ATL3: variants seen among roughly 807,000 people sequenced by gnomAD.
ATL3 encodes the protein atlastin GTPase 3.
ATL3 carries 49 observed loss-of-function variants against 69.5 expected under a neutral mutation model. The observed-to-expected ratio is 0.71, with a 90% CI of 0.56 to 0.89. ATL3 has a LOEUF of 0.89. Among genes scored for constraint, ATL3 ranks in the 40% least tolerant of loss-of-function variants. The pLI is 0.00. For missense variants in ATL3, 606 were observed against 645.7 expected (o/e 0.94, Z 0.67); for synonymous variants, 214 against 224.1 (o/e 0.95, Z 0.40).
intron 5 of ATL3, among the ~76,000 whole-genome samples, chr11:63,647,667 T>C (rs996382138): frequency 3.3e-5 from 5 of 152,238 alleles, no homozygotes; most frequent in African/African-American, 1.2e-4. Context: ...ATAATATTTA[T>C]GTCATTCAAA....
chr11:63,631,518 A>G, intron 11 of ATL3, 47 bp from the exon 12 acceptor site: 1 of 1,465,926 alleles, frequency 6.8e-7, no homozygotes, highest in East Asian at 2.3e-5. Context: ...CTTCAAAAAC[A>G]AGTGCCAAAT....
intron 11 of ATL3, chr11:63,632,123 CTTTAA>C: frequency 5.5e-6 from 2 of 364,616 alleles, no homozygotes; most frequent in Non-Finnish European, 1.1e-5. Flanking sequence ...TTGAGACATG[CTTTAA>C]TTTTTTTTTT....
At chr11:63,665,780 C>T (rs1940556493) in intron 1 of ATL3, among the ~76,000 whole-genome samples, 2 of 151,648 alleles carry the variant, frequency 1.3e-5, no homozygotes, top group African/African-American at 4.8e-5. Context: ...ATCCCAGCTA[C>T]TTGGTATCAC....
At position 63,633,010 on chromosome 11, in the gene ATL3, CG is replaced by C. The variant is rs1357435434; in HGVS notation, c.1107+15del. 3 of 1,609,954 alleles carry C rather than the reference CG, an allele frequency of 1.9e-6. No homozygotes were observed. Among genetic ancestry groups the C allele is most frequent in the African/African-American group, 2.7e-5 (2 of 74,810 alleles). On this transcript the variant is annotated intron_variant, in intron 11 of 12. Transcript: ENST00000398868. ...AGATTATAGATATTTCAGAATAAGG[CG>C]TATGTCCCACGTACCTCTTCCATGT...
intron 1 of ATL3, among the ~76,000 whole-genome samples, chr11:63,663,574 C>T (rs1940486565): frequency 6.6e-6 from 1 of 152,226 alleles, no homozygotes; most frequent in African/African-American, 2.4e-5. Context: ...GGAAACACTT[C>T]TGTGAATAAT....
intron 10 of ATL3, among the ~76,000 whole-genome samples, chr11:63,634,716 T>C (rs779507792): frequency 6.6e-6 from 1 of 152,172 alleles, no homozygotes; most frequent in Admixed American, 6.5e-5. Context: ...TGTCAGGACA[T>C]GTTCCACTAA....
At chr11:63,631,522 G>T in intron 11 of ATL3, 51 bp from the exon 12 acceptor site, 1 of 1,440,764 alleles carries the variant, frequency 6.9e-7, no homozygotes, top group Non-Finnish European at 9.4e-7. Context: ...AAAAACAAGT[G>T]CCAAATAAAA....
At chr11:63,634,204 GAA>G (rs1939436717) in intron 10 of ATL3, among the ~76,000 whole-genome samples, 1 of 105,424 alleles carries the variant, frequency 9.5e-6, no homozygotes, top group African/African-American at 3.8e-5. Context: ...AAAAAAAAAA[GAA>G]GAAGAAGAAA....
chr11:63,671,354 G>T lies in ATL3; in HGVS notation c.-19C>A. ...ACAACATGGAGCCTCCGCCTTCAAAGCAGAAGCAGCAGGGGTGCAGAGGAG... is the reference window on the plus strand; with the variant it reads ...ACAACATGGAGCCTCCGCCTTCAAATCAGAAGCAGCAGGGGTGCAGAGGAG... On this transcript the variant is annotated 5_prime_UTR_variant, in exon 1 of 13. Coordinates refer to ENST00000398868, the MANE Select transcript of ATL3 (RefSeq NM_015459.5). 6.3e-7 allele frequency: 1 copy of T among 1,575,952 alleles called. No individual in the cohort carries two copies. Among genetic ancestry groups the T allele is most frequent in the South Asian group, 1.1e-5 (1 of 87,092 alleles).
rs1939116392 is a variant in ATL3 at position 63,626,467 on chromosome 11, C to G, written c.*2852G>C. ...TGTCTCATTTTATCTATGAGCCAAT[C>G]TTACAGAAAGATTTCTCAAAGAATG... On this transcript the variant is annotated 3_prime_UTR_variant, in exon 13 of 13. Coordinates refer to ENST00000398868, the MANE Select transcript of ATL3 (RefSeq NM_015459.5). 1 of 152,204 alleles carries G rather than the reference C, an allele frequency of 6.6e-6. No homozygotes were observed. Among genetic ancestry groups the G allele is most frequent in the African/African-American group, 2.4e-5 (1 of 41,456 alleles). The allele number at this position is 152,204 out of a possible 1,614,324, so 9.4% of individuals were successfully genotyped here.
At position 63,627,790 on chromosome 11, in the gene ATL3, A is replaced by G. The variant is rs1422320191; in HGVS notation, c.*1529T>C. On this transcript the variant is annotated 3_prime_UTR_variant, in exon 13 of 13. Coordinates refer to ENST00000398868, the MANE Select transcript of ATL3 (RefSeq NM_015459.5). ...AAAAAGAACTCTTAGATACTTCTAG[A>G]TATTTTTTATATTTGGGTAGGACTT... 1.3e-5 allele frequency: 2 copies of G among 152,252 alleles called. No homozygotes were observed. Among genetic ancestry groups the G allele is most frequent in the Non-Finnish European group, 2.9e-5 (2 of 68,028 alleles). 9.4% of individuals were successfully genotyped at this position (152,252 alleles called of 1,614,324 possible).
chr11:63,634,510 A>G (rs1939452312), intron 10 of ATL3, among the ~76,000 whole-genome samples: 3 of 152,142 alleles, frequency 2.0e-5, no homozygotes. Context: ...CCACCTCAAA[A>G]AAAAAAAGGA....
chr11:63,660,611 A>G (rs1043044557), intron 1 of ATL3, among the ~76,000 whole-genome samples: 3 of 152,214 alleles, frequency 2.0e-5, no homozygotes, highest in Non-Finnish European at 4.4e-5. Context: ...AAACATATAT[A>G]CAAGAATGTT....
intron 1 of ATL3, among the ~76,000 whole-genome samples, chr11:63,665,367 G>C (rs1488027057): frequency 6.7e-6 from 1 of 148,818 alleles, no homozygotes; most frequent in Non-Finnish European, 1.5e-5. Context: ...AAAAAAAGAA[G>C]AATGTATACA....
At chr11:63,639,974 G>A (rs987448456) in intron 8 of ATL3, among the ~76,000 whole-genome samples, 1 of 151,824 alleles carries the variant, frequency 6.6e-6, no homozygotes, top group Admixed American at 6.6e-5. Context: ...TGTTGCCCAG[G>A]CTGGAGTACA....
intron 5 of ATL3, among the ~76,000 whole-genome samples, chr11:63,649,150 A>C (rs1233335616): frequency 6.6e-6 from 1 of 152,066 alleles, no homozygotes; most frequent in Non-Finnish European, 1.5e-5. Context: ...AGTACTAAAA[A>C]TCCAGGTTAG....
chr11:63,658,704 T>C (rs1055091918), intron 3 of ATL3, 57 bp downstream of exon 3: 1 of 1,538,264 alleles, frequency 6.5e-7, no homozygotes, highest in African/African-American at 1.4e-5. Flanking sequence ...CAGTACATGC[T>C]GAAGTTCATA....
chr11:63,654,933 AT>A (rs1940196012), intron 3 of ATL3, among the ~76,000 whole-genome samples: 1 of 150,524 alleles, frequency 6.6e-6, no homozygotes, highest in East Asian at 1.9e-4. Context: ...TAATTTTAAT[AT>A]CTGTGTTAGT....
chr11:63,638,935 T>C (rs913610637), intron 8 of ATL3, among the ~76,000 whole-genome samples: 2 of 152,216 alleles, frequency 1.3e-5, no homozygotes, highest in Non-Finnish European at 2.9e-5. Flanking sequence ...GTAGTTCTTA[T>C]GAAATTTAAA....
Sources: allele counts gnomAD v4.1 joint callset (sites outside exome capture counted in the v4.1 genomes callset), GRCh38; gene constraint gnomAD v4.1.1; transcripts MANE v1.5; gene names NCBI Gene and HGNC (gene_info 2026-07-23, HGNC 2026-07-21).